Variants in MTA3 observed in about 807,000 individuals in gnomAD.
MTA3 encodes the protein metastasis associated 1 family member 3, also known as metastasis-associated protein MTA3.
In MTA3, 34 loss-of-function variants were observed where a neutral mutation model predicts 83.5. The observed-to-expected ratio is 0.41, with a 90% confidence interval of 0.31 to 0.54. MTA3 has a LOEUF of 0.54. Ranked by LOEUF, MTA3 falls within the 20% of genes least tolerant of loss-of-function variation. The pLI, the probability that MTA3 is intolerant of heterozygous loss-of-function variation, is 0.33. For synonymous variants in MTA3, 303 were observed against 252.7 expected, an observed-to-expected ratio of 1.20 and a Z score of -1.89; for missense variants, 761 against 726.4, an observed-to-expected ratio of 1.05 and a Z score of -0.55.
intron 4 of MTA3, among the ~76,000 whole-genome samples, chr2:42,634,077 C>T (rs1304488843): frequency 6.6e-6 from 1 of 152,108 alleles, no homozygotes; most frequent in Non-Finnish European, 1.5e-5. Context: ...GGGGGTGCTA[C>T]TGTCATCCAC....
chr2:42,593,951 GT>G (rs60176061), intron 3 of MTA3, among the ~76,000 whole-genome samples: 881 of 140,110 alleles, frequency 6.3e-3, no homozygotes, highest in African/African-American at 0.02. Context: ...ATAGGATTAA[GT>G]TTTTTTTTTT....
chr2:42,509,998 C>G (rs1236278409), intron 2 of MTA3, among the ~76,000 whole-genome samples: 1 of 152,054 alleles, frequency 6.6e-6, no homozygotes, highest in Non-Finnish European at 1.5e-5. Context: ...GCTTTCCCCC[C>G]ATACCTGCCG....
chr2:42,632,846 T>A (rs1210932026), intron 4 of MTA3, among the ~76,000 whole-genome samples: 1 of 152,160 alleles, frequency 6.6e-6, no homozygotes, highest in Non-Finnish European at 1.5e-5. Flanking sequence ...TGGCTTCTTT[T>A]AAGTTTTATT....
At chr2:42,617,723 C>T (rs1489602080) in intron 4 of MTA3, among the ~76,000 whole-genome samples, 2 of 151,680 alleles carry the variant, frequency 1.3e-5, no homozygotes, top group African/African-American at 4.8e-5. Context: ...TTGCAGTGAG[C>T]TGAGATTGTA....
Position 42,707,905 on chromosome 2 carries a change from A to G in MTA3, c.1153A>G (p.Thr385Ala). 6.4e-7 allele frequency: 1 copy of G among 1,559,004 alleles called. No homozygotes were observed. Among genetic ancestry groups the G allele is most frequent in the South Asian group, 1.2e-5 (1 of 82,040 alleles). ...TTCTTATTTTTCTTCTGCTTTAGCT[A>G]CACAGTCTCACCAGTGGTATTCTTG... ...LGRACESCYA[T>A]QSHQWYSWGP... Residue 385 changes from threonine (T) to alanine (A), a missense_variant and splice_region_variant, in exon 13 of 17, where the codon ACA becomes GCA. Transcript: ENST00000405094.
chr2:42,550,774 G>T (rs1324015312), intron 2 of MTA3, among the ~76,000 whole-genome samples: 1 of 152,174 alleles, frequency 6.6e-6, no homozygotes, highest in Non-Finnish European at 1.5e-5. Flanking sequence ...AGGCACAGTG[G>T]CTCATGCCTG....
At chr2:42,543,927 G>C (rs1262317417) in intron 2 of MTA3, among the ~76,000 whole-genome samples, 1 of 152,100 alleles carries the variant, frequency 6.6e-6, no homozygotes, top group South Asian at 2.1e-4. Flanking sequence ...TTGGGCTCAA[G>C]TGGTCCTCCT....
chr2:42,737,931 A>C lies in MTA3; in HGVS notation c.1759+14896A>C, dbSNP rs528908688. On this transcript the variant is annotated intron_variant, in intron 16 of 16. Transcript: ENST00000405094. Reference sequence around the variant, plus strand: ...TGCAATAAAGCTAATATCACAATAAAGCAAGTCACATGAGTTTTCTGGTTT... The same window carrying C: ...TGCAATAAAGCTAATATCACAATAACGCAAGTCACATGAGTTTTCTGGTTT... 2.0e-5 allele frequency among the ~76,000 whole-genome samples: 3 copies of C among 152,362 alleles called. No homozygotes were observed. The East Asian group carries it at 5.8e-4, about 29-fold the overall frequency.
chr2:42,712,347 G>C (rs1195984119), intron 14 of MTA3, among the ~76,000 whole-genome samples: 1 of 151,874 alleles, frequency 6.6e-6, no homozygotes, highest in African/African-American at 2.4e-5. Flanking sequence ...CCATGCTCTG[G>C]AGTGCAGTGG....
chr2:42,523,752 A>C (rs1453482144), intron 2 of MTA3, among the ~76,000 whole-genome samples: 1 of 151,954 alleles, frequency 6.6e-6, no homozygotes, highest in Non-Finnish European at 1.5e-5. Flanking sequence ...TTCTCTAACA[A>C]AACAAAAACA....
intron 2 of MTA3, among the ~76,000 whole-genome samples, chr2:42,561,814 T>C (rs1319540169): frequency 6.6e-6 from 1 of 152,202 alleles, no homozygotes; most frequent in Non-Finnish European, 1.5e-5. Flanking sequence ...TTAATCTGTG[T>C]ATACTGTATA....
At chr2:42,733,796 G>C (rs1221985962) in intron 16 of MTA3, among the ~76,000 whole-genome samples, 1 of 152,008 alleles carries the variant, frequency 6.6e-6, no homozygotes, top group Non-Finnish European at 1.5e-5. Context: ...CACTGCACCT[G>C]GCCCAGGAGC....
At chr2:42,528,810 A>G (rs1423908601) in intron 2 of MTA3, among the ~76,000 whole-genome samples, 1 of 152,198 alleles carries the variant, frequency 6.6e-6, no homozygotes, top group Non-Finnish European at 1.5e-5. Context: ...GACTTGGTCA[A>G]CCCCCAGAAC....
intron 14 of MTA3, among the ~76,000 whole-genome samples, chr2:42,716,885 T>G (rs1667068343): frequency 6.6e-6 from 1 of 152,204 alleles, no homozygotes; most frequent in Admixed American, 6.5e-5. Context: ...TGTTTCTAGC[T>G]CTTTGAGGAA....
intron 3 of MTA3, among the ~76,000 whole-genome samples, chr2:42,605,009 C>G (rs924694355): frequency 5.7e-4 from 85 of 150,436 alleles, no homozygotes; most frequent in Non-Finnish European, 1.1e-3. Context: ...GGCAACCATC[C>G]GATTTCTCAA....
intron 2 of MTA3, among the ~76,000 whole-genome samples, chr2:42,535,439 T>C (rs1210228415): frequency 6.6e-6 from 1 of 151,930 alleles, no homozygotes; most frequent in Non-Finnish European, 1.5e-5. Context: ...TGTGTGGAGA[T>C]GGGATCTCAC....
intron 2 of MTA3, among the ~76,000 whole-genome samples, chr2:42,560,076 T>C (rs936593277): frequency 6.6e-6 from 1 of 152,096 alleles, no homozygotes; most frequent in African/African-American, 2.4e-5. Flanking sequence ...TTAATTTTTA[T>C]TTTTTGAGAT....
intron 9 of MTA3, among the ~76,000 whole-genome samples, chr2:42,691,655 A>G (rs578168179): frequency 3.9e-5 from 6 of 152,074 alleles, no homozygotes; most frequent in African/African-American, 1.4e-4. Context: ...ACCAACATCT[A>G]TTTTTTTCTG....
chr2:42,523,255 T>TC (rs370811583), intron 2 of MTA3, among the ~76,000 whole-genome samples: 1 of 152,128 alleles, frequency 6.6e-6, no homozygotes, highest in African/African-American at 2.4e-5. Context: ...AAATCCACTC[T>TC]CCCTTTCTTC....
Sources: allele counts gnomAD v4.1 joint callset (sites outside exome capture counted in the v4.1 genomes callset), GRCh38; gene constraint gnomAD v4.1.1; transcripts MANE v1.5; gene names NCBI Gene and HGNC (gene_info 2026-07-23, HGNC 2026-07-21).